The following ASPM variants were observed in gnomAD, a reference collection of about 807,000 sequenced individuals.
The protein encoded by ASPM is abnormal spindle-like microcephaly-associated protein.
ASPM carries 256 observed loss-of-function variants against 366.4 expected under a neutral mutation model. The observed-to-expected ratio is 0.70, with a 90% confidence interval of 0.63 to 0.77. The LOEUF (loss-of-function observed/expected upper bound fraction) is 0.77. ASPM is among the 30% of genes least tolerant of loss of function. ASPM has a pLI of 0.00. For missense variants in ASPM, 4,146 were observed against 4,090.4 expected (o/e 1.01, Z -0.37); for synonymous variants, 1,414 against 1,342.9 (o/e 1.05, Z -1.16).
At chr1:197,122,134 A>T (rs757260307) in intron 15 of ASPM, 25 bp downstream of exon 15, 2 of 1,596,508 alleles carry the variant, frequency 1.3e-6, no homozygotes, top group South Asian at 2.2e-5. Context: ...TTGAATTAAT[A>T]ATTAGAAACT....
At chr1:197,114,066 T>C (rs6671696) in intron 17 of ASPM, among the ~76,000 whole-genome samples, 117,699 of 152,048 alleles carry the variant, frequency 0.77, 49,243 homozygotes, top group East Asian at 1. Context: ...GAAGATATTG[T>C]AGGTTCAGTT....
Position 197,101,816 on chromosome 1 carries a change from C to T in ASPM, c.7435G>A (p.Glu2479Lys). Reference protein sequence around the residue: ...RRLMVKKKLQEMQRAAVLIQA... With the variant: ...RRLMVKKKLQKMQRAAVLIQA... The stretch of plus-strand genomic sequence containing the variant: ...ATGAGAACTGCAGCCCTTTGCATTT[C>T]TTGTAACTTCTTCTTTACCATCAGT... Residue 2479 changes from glutamate to lysine, a missense_variant, in exon 18 of 28, where the codon GAA becomes AAA. By Grantham distance (56) the Glu-to-Lys change is moderately conservative. Around this residue, in one of 3 missense-constraint regions of ASPM, gnomAD observed 3,624 missense variants for 3,591.7 expected, o/e 1.01. Coordinates refer to ENST00000367409, the MANE Select transcript of ASPM (RefSeq NM_018136.5). 1 of 1,612,834 alleles carries T rather than the reference C, an allele frequency of 6.2e-7. No individual in the cohort carries two copies. The highest frequency in any genetic ancestry group is 1.1e-5 in the South Asian group (1 of 91,062).
Position 197,103,691 on chromosome 1 carries a change from T to A in ASPM, c.5560A>T (p.Ile1854Phe), listed in dbSNP as rs1364474162. 2 of 1,612,962 alleles carry A rather than the reference T, an allele frequency of 1.2e-6. No individual in the cohort carries two copies. Among genetic ancestry groups the A allele is most frequent in the African/African-American group, 1.3e-5 (1 of 74,970 alleles). ...YQSVLQSIIK[I>F]QRWYRAYKTL... is the part of the protein sequence containing the mutation. ...TTGTACGCCCTGTACCATCTCTGAA[T>A]CTTTATTATAGATTGAAGCACAGAT... Residue 1854 changes from isoleucine (I) to phenylalanine (F), a missense_variant, in exon 18 of 28, where the codon ATT becomes TTT. By Grantham distance (21) the Ile-to-Phe change is conservative (BLOSUM62 0). Coordinates refer to ENST00000367409, the MANE Select transcript of ASPM (RefSeq NM_018136.5).
In ASPM at chr1:197,146,556, AG is replaced by A; in HGVS notation, c.-120del. ...CAGGGGCGGCTGTAGAGGTCGTGGG[AG>A]TGAATTCGGCCCTTTTTCTTTTCCA... On this transcript the variant is annotated 5_prime_UTR_variant, in exon 1 of 28. Coordinates refer to ENST00000367409, the MANE Select transcript of ASPM (RefSeq NM_018136.5). The A allele has an allele frequency of 9.1e-7, 1 of 1,098,572 alleles. No individual in the cohort carries two copies. The highest frequency in any genetic ancestry group is 1.3e-6 in the Non-Finnish European group (1 of 751,214). 68.1% of individuals were successfully genotyped at this position (1,098,572 alleles called of 1,614,324 possible).
Position 197,146,545 on chromosome 1 carries a change from G to C in ASPM, c.-108C>G. 8.3e-7 allele frequency: 1 copy of C among 1,206,510 alleles called. No individual in the cohort carries two copies. Among genetic ancestry groups the C allele is most frequent in the Non-Finnish European group, 1.2e-6 (1 of 844,870 alleles). The allele number at this position is 1,206,510 out of a possible 1,614,324, so 74.7% of individuals were successfully genotyped here. On this transcript the variant is annotated 5_prime_UTR_variant, in exon 1 of 28. Coordinates refer to ENST00000367409, the MANE Select transcript of ASPM (RefSeq NM_018136.5). ...CCGCTTCCCCTCAGGGGCGGCTGTA[G>C]AGGTCGTGGGAGTGAATTCGGCCCT...
chr1:197,093,330 C>T, intron 20 of ASPM, 69 bp from the exon 21 acceptor site: 1 of 1,247,598 alleles, frequency 8.0e-7, no homozygotes, highest in East Asian at 2.3e-5. Context: ...ACTAGAAGTT[C>T]TTGAATTTCT....
intron 1 of ASPM, among the ~76,000 whole-genome samples, chr1:197,144,508 C>T (rs1658705727): frequency 6.6e-6 from 1 of 152,184 alleles, no homozygotes; most frequent in African/African-American, 2.4e-5. Context: ...TAAATTCCTT[C>T]TTCCTTACAA....
chr1:197,096,196 A>G (rs1656969970), intron 18 of ASPM, 32 bp from the exon 19 acceptor site: 3 of 1,527,674 alleles, frequency 2.0e-6, no homozygotes, highest in African/African-American at 1.4e-5. Context: ...CAAGTATGCA[A>G]TGAGTTGTCT....
intron 4 of ASPM, chr1:197,139,438 T>C (rs1648226537): frequency 1.8e-6 from 1 of 553,412 alleles, no homozygotes; most frequent in African/African-American, 1.9e-5. Context: ...CCACTAAAAA[T>C]ACAAAAAAAT....
At chr1:197,093,700 A>T (rs1388420172) in intron 20 of ASPM, among the ~76,000 whole-genome samples, 1 of 151,826 alleles carries the variant, frequency 6.6e-6, no homozygotes, top group East Asian at 1.9e-4. Context: ...ACCTGTGAGA[A>T]TTACCAAAAT....
chr1:197,110,110 A>G (rs1657537588), intron 17 of ASPM, among the ~76,000 whole-genome samples: 1 of 152,122 alleles, frequency 6.6e-6, no homozygotes. Context: ...AAGCAACTAG[A>G]AAATTCCAAC....
intron 10 of ASPM, among the ~76,000 whole-genome samples, chr1:197,126,451 A>C (rs966812449): frequency 4.1e-5 from 6 of 146,438 alleles, no homozygotes; most frequent in Non-Finnish European, 7.5e-5. Context: ...AAAAAAAAAA[A>C]AAAAAAAAAA....
In ASPM at chr1:197,100,456, A is replaced by T; in HGVS notation, c.8795T>A (p.Ile2932Asn). Residue 2932 changes from isoleucine (I) to asparagine (N), a missense_variant, in exon 18 of 28, where the codon ATT (isoleucine) becomes AAT (asparagine). Coordinates refer to ENST00000367409, the MANE Select transcript of ASPM (RefSeq NM_018136.5). ...CTGAATTTTTATGGTGCTATTTTTAATTTCCTGAAACTTCCGTTTCTGTAT... is the reference window on the plus strand; with the variant it reads ...CTGAATTTTTATGGTGCTATTTTTATTTTCCTGAAACTTCCGTTTCTGTAT... ...GFIQKRKFQE[I>N]KNSTIKIQAM... The T allele has an allele frequency of 6.4e-7, 1 of 1,564,276 alleles. No homozygotes were observed. Among genetic ancestry groups the T allele is most frequent in the Non-Finnish European group, 8.7e-7 (1 of 1,154,718 alleles).
At position 197,102,189 on chromosome 1, in the gene ASPM, A is replaced by G. The variant is rs587783261; in HGVS notation, c.7062T>C (p.Tyr2354=). The G allele has an allele frequency of 1.4e-5, 23 of 1,612,708 alleles. No individual in the cohort carries two copies. The highest frequency in any genetic ancestry group is 8.8e-5 in the South Asian group (8 of 91,068). ...TFRMHRLHMR[Y]QALKQASVVI... ...CAACGGAGGCCTGTTTCAAAGCCTG[A>G]TATCTCATATGTAATCTGTGCATTC... The change falls in exon 18 of 28, where the codon TAT becomes TAC. Residue 2354 remains tyrosine (Y), a synonymous_variant. Transcript: ENST00000367409.
intron 11 of ASPM, 36 bp from the exon 12 acceptor site, chr1:197,124,991 C>T (rs375658335): frequency 4.0e-5 from 65 of 1,605,652 alleles, no homozygotes; most frequent in African/African-American, 1.1e-4. Flanking sequence ...GCATAATGTA[C>T]GCACATATCA....
chr1:197,089,940 T>C lies in ASPM; in HGVS notation c.9974A>G (p.Asn3325Ser). The C allele has an allele frequency of 1.9e-6, 3 of 1,613,072 alleles. No homozygotes were observed. The highest frequency in any genetic ancestry group is 2.5e-6 in the Non-Finnish European group (3 of 1,179,302). ...AAAATGAAAAACTACCTTAGATACA[T>C]TAAGCAAGACTTGCACAGCATATCT... ...VIRYAVQVLL[N>S]VSKYEKTTSA... The change falls in exon 25 of 28, where the codon AAT becomes AGT. Residue 3325 changes from asparagine to serine, a missense_variant. Physicochemically the swap from Asn to Ser is conservative, Grantham distance 46. This residue lies in a region of ASPM where 3,624 missense variants were observed against 3,591.7 expected (regional missense o/e 1.01). Transcript: ENST00000367409.
Position 197,129,189 on chromosome 1 carries a change from T to C in ASPM, c.2758A>G (p.Lys920Glu), listed in dbSNP as rs1658183875. The C allele has an allele frequency of 6.2e-7, 1 of 1,612,068 alleles. No individual in the cohort carries two copies. Among genetic ancestry groups the C allele is most frequent in the Non-Finnish European group, 8.5e-7 (1 of 1,178,658 alleles). Residue 920 changes from lysine to glutamate, a missense_variant and splice_region_variant, in exon 9 of 28, where the codon AAG becomes GAG. Physicochemically the swap from Lys to Glu is moderately conservative, Grantham distance 56 (BLOSUM62 1). This residue lies in a region of ASPM where 3,624 missense variants were observed against 3,591.7 expected (regional missense o/e 1.01). Coordinates refer to ENST00000367409, the MANE Select transcript of ASPM (RefSeq NM_018136.5). ...AAAGCATACAATGAAAAGCATACCT[T>C]GAATTCGGCATCTTTACAGAAGAGA... ...PCLFCKDAEFKASKEILLAFS... is the reference protein window; with the variant it reads ...PCLFCKDAEFEASKEILLAFS...
At chr1:197,135,919 C>A (rs1658408296) in intron 4 of ASPM, among the ~76,000 whole-genome samples, 1 of 151,958 alleles carries the variant, frequency 6.6e-6, no homozygotes, top group Non-Finnish European at 1.5e-5. Context: ...CACCACTGCA[C>A]TCCAGCCTGG....
At chr1:197,141,418 ACC>A (rs1043850031) in intron 3 of ASPM, among the ~76,000 whole-genome samples, 1 of 152,166 alleles carries the variant, frequency 6.6e-6, no homozygotes, top group African/African-American at 2.4e-5. Flanking sequence ...CAGTTTGCTT[ACC>A]CTTGTTTTAA....
Sources: allele counts gnomAD v4.1 joint callset (sites outside exome capture counted in the v4.1 genomes callset), GRCh38; gene constraint gnomAD v4.1.1; regional missense constraint gnomAD v4.1.1; transcripts MANE v1.5; gene names NCBI Gene and HGNC (gene_info 2026-07-23, HGNC 2026-07-21).